RIMBP2: variants seen among roughly 807,000 people sequenced by gnomAD.
The protein encoded by RIMBP2 is RIMS binding protein 2.
Under a neutral mutation model 118.6 loss-of-function variants are expected in RIMBP2, and 48 were observed. The ratio of observed to expected loss-of-function variants is 0.40; its 90% CI spans 0.32 to 0.51. RIMBP2 has a LOEUF of 0.51. Among genes scored for constraint, RIMBP2 ranks in the 20% least tolerant of loss-of-function variants. The pLI is 0.41. For missense variants in RIMBP2, 1,551 were observed against 1,768.3 expected (o/e 0.88, Z 2.20); for synonymous variants, 762 against 742.9 (o/e 1.03, Z -0.42).
intron 2 of RIMBP2, among the ~76,000 whole-genome samples, chr12:130,521,565 G>C (rs1279873739): frequency 6.6e-6 from 1 of 152,214 alleles, no homozygotes; most frequent in Admixed American, 6.5e-5. Flanking sequence ...TGACACACTT[G>C]CTGGGTTCCC....
rs142519334 is a variant in RIMBP2, at chr12:130,666,212, C to T, written c.-351-37756G>A. ...TAAAACAAATGAACACAGAAGCACA[C>T]CTGGGAAGTTGTTATTTTATCGGAA... On this transcript the variant is annotated intron_variant, in intron 1 of 22. Transcript: ENST00000690449. Among the ~76,000 whole-genome samples the T allele has an allele frequency of 1.7e-4, 26 of 152,226 alleles. No individual in the cohort carries two copies. The East Asian group carries it at 4.1e-3, about 24-fold the overall frequency.
intron 1 of RIMBP2, among the ~76,000 whole-genome samples, chr12:130,661,180 C>G (rs1056738392): frequency 1.3e-5 from 2 of 152,212 alleles, no homozygotes; most frequent in African/African-American, 4.8e-5. Context: ...GGCAAGGACA[C>G]CTAGCTTTCC....
intron 11 of RIMBP2, among the ~76,000 whole-genome samples, chr12:130,441,306 C>A (rs765342629): frequency 6.6e-6 from 1 of 151,682 alleles, no homozygotes; most frequent in Non-Finnish European, 1.5e-5. Flanking sequence ...GAGGCTGAGG[C>A]AGGAGAATCG....
chr12:130,421,689 A>G (rs1460925147), intron 17 of RIMBP2, among the ~76,000 whole-genome samples: 1 of 107,006 alleles, frequency 9.3e-6, no homozygotes, highest in Non-Finnish European at 1.7e-5. Flanking sequence ...CCCTGCATTT[A>G]TATGTGTGTG....
intron 4 of RIMBP2, among the ~76,000 whole-genome samples, chr12:130,485,876 A>C (rs1015775636): frequency 2.0e-5 from 3 of 152,152 alleles, no homozygotes; most frequent in African/African-American, 7.2e-5. Context: ...AAGTCTTTGC[A>C]TTTCTACGGT....
rs527634958 is a variant in RIMBP2 at position 130,450,422 on chromosome 12, C to T, written c.505-146G>A. 6.1e-6 allele frequency: 4 copies of T among 659,194 alleles called. No homozygotes were observed. The highest frequency in any genetic ancestry group is 1.7e-5 in the South Asian group (1 of 58,712). The allele number at this position is 659,194 out of a possible 1,614,324, so 40.8% of individuals were successfully genotyped here. A position where few individuals can be genotyped will look rare whatever the true frequency, so the allele number is the denominator to read the frequency against. The stretch of plus-strand genomic sequence containing the variant: ...TGGCACTCCCAGGAGGCACTGCCAC[C>T]CGCACACCCACATGCGAGCTTGGAA... On this transcript the variant is annotated intron_variant, in intron 8 of 22. Transcript: ENST00000690449. The surrounding 1 kb of genome is among the most constrained non-coding windows in gnomAD (Gnocchi z 4.8).
At chr12:130,530,906 G>A (rs1205227026) in intron 2 of RIMBP2, among the ~76,000 whole-genome samples, 2 of 152,198 alleles carry the variant, frequency 1.3e-5, no homozygotes, top group East Asian at 1.9e-4. Flanking sequence ...GGTCCATGGT[G>A]CAGATTCAGG....
chr12:130,531,986 GGT>G, intron 2 of RIMBP2, among the ~76,000 whole-genome samples: 1 of 103,640 alleles, frequency 9.6e-6, no homozygotes, highest in African/African-American at 4.3e-5. Flanking sequence ...GCCTCTAGGA[GGT>G]ACGTCTAATG....
In RIMBP2 at chr12:130,396,848, A is replaced by C. The variant is rs1310400569; in HGVS notation, c.*513T>G. 6.6e-6 allele frequency: 1 copy of C among 152,648 alleles called. No individual in the cohort carries two copies. Among genetic ancestry groups the C allele is most frequent in the Non-Finnish European group, 1.5e-5 (1 of 68,052 alleles). The allele number at this position is 152,648 out of a possible 1,614,324, so 9.5% of individuals were successfully genotyped here. On this transcript the variant is annotated 3_prime_UTR_variant, in exon 23 of 23. Transcript: ENST00000690449. ...ACTGTGTCAGGATGAAGACCACTGA[A>C]TGCACGACACATACAAAGTATACAC...
chr12:130,565,127 T>G (rs537639240), intron 2 of RIMBP2, among the ~76,000 whole-genome samples: 15 of 152,272 alleles, frequency 9.9e-5, no homozygotes, highest in Non-Finnish European at 1.8e-4. Context: ...ATAATTTTAT[T>G]TTTATTTATT....
chr12:130,621,879 G>A lies in RIMBP2; in HGVS notation c.-217+6443C>T, dbSNP rs1021997612. ...GCCTGGTACTGAGGCCAGCAGGCCA[G>A]CATCACACACACTTCCCGACAGGCC... is the stretch of plus-strand genomic sequence containing the variant. On this transcript the variant is annotated intron_variant, in intron 2 of 22. Coordinates refer to ENST00000690449, the MANE Select transcript of RIMBP2 (RefSeq NM_001393629.1). The surrounding 1 kb of genome is among the most constrained non-coding windows in gnomAD (Gnocchi z 6.6). 1.3e-5 allele frequency among the ~76,000 whole-genome samples: 2 copies of A among 152,186 alleles called. No homozygotes were observed. Among genetic ancestry groups the A allele is most frequent in the African/African-American group, 4.8e-5 (2 of 41,452 alleles).
rs1383865967 is a variant in RIMBP2 at position 130,578,615 on chromosome 12, C to T, written c.-217+49707G>A. On this transcript the variant is annotated intron_variant, in intron 2 of 22. Coordinates refer to ENST00000690449, the MANE Select transcript of RIMBP2 (RefSeq NM_001393629.1). The surrounding 1 kb of genome is among the most constrained non-coding windows in gnomAD (Gnocchi z 4.1). ...GGCCCCTCTGCCTGAACAGGCTTCC[C>T]TTGGATCTTCACGTTAGCTCATTCC... is the stretch of plus-strand genomic sequence containing the variant. Among the ~76,000 whole-genome samples the T allele has an allele frequency of 2.0e-4, 30 of 152,212 alleles. No individual in the cohort carries two copies. Among genetic ancestry groups the T allele is most frequent in the Admixed American group, 1.9e-3 (29 of 15,278 alleles).
At chr12:130,702,760 A>G (rs2065920859) in intron 1 of RIMBP2, among the ~76,000 whole-genome samples, 1 of 152,134 alleles carries the variant, frequency 6.6e-6, no homozygotes, top group Admixed American at 6.6e-5. Context: ...CTGGAATCAG[A>G]TGATCCTGAT....
intron 1 of RIMBP2, among the ~76,000 whole-genome samples, chr12:130,642,118 G>C (rs908219757): frequency 6.6e-6 from 1 of 152,074 alleles, no homozygotes; most frequent in Admixed American, 6.5e-5. Context: ...ACTAGAGCCT[G>C]AAAGATCTTT....
intron 4 of RIMBP2, among the ~76,000 whole-genome samples, chr12:130,481,066 A>C (rs574213950): frequency 1.6e-5 from 1 of 63,542 alleles, no homozygotes; most frequent in Non-Finnish European, 3.5e-5. Flanking sequence ...GAGGCGAGGG[A>C]GTCCCTGCTG....
intron 4 of RIMBP2, among the ~76,000 whole-genome samples, chr12:130,495,264 G>A (rs1341819076): frequency 6.6e-6 from 1 of 152,230 alleles, no homozygotes; most frequent in East Asian, 1.9e-4. Context: ...CATCTGCCTG[G>A]ATTCATGCCT....
chr12:130,611,743 G>A (rs1004816717), intron 2 of RIMBP2, among the ~76,000 whole-genome samples: 2 of 152,116 alleles, frequency 1.3e-5, no homozygotes, highest in Non-Finnish European at 2.9e-5. Context: ...CAAGGTTCTC[G>A]GTTGTACACC....
intron 2 of RIMBP2, among the ~76,000 whole-genome samples, chr12:130,561,571 C>T (rs554503254): frequency 6.6e-6 from 1 of 152,092 alleles, no homozygotes; most frequent in African/African-American, 2.4e-5. Flanking sequence ...GTCCTTCTTG[C>T]GTAATCCGGT....
chr12:130,497,711 C>T (rs1420812859), intron 4 of RIMBP2, among the ~76,000 whole-genome samples: 1 of 152,158 alleles, frequency 6.6e-6, no homozygotes, highest in Non-Finnish European at 1.5e-5. Context: ...AAGCCCAATG[C>T]GTTTTTTATT....
Sources: allele counts gnomAD v4.1 joint callset (sites outside exome capture counted in the v4.1 genomes callset), GRCh38; gene constraint gnomAD v4.1.1; non-coding constraint Gnocchi (gnomAD v3.1); transcripts MANE v1.5; gene names NCBI Gene and HGNC (gene_info 2026-07-23, HGNC 2026-07-21).